POU1F1: variants seen among roughly 807,000 people sequenced by gnomAD.
POU1F1 encodes pituitary-specific positive transcription factor 1.
POU1F1 carries 23 observed loss-of-function variants against 32.3 expected under a neutral mutation model. The observed-to-expected ratio is 0.71, with a 90% confidence interval of 0.51 to 1.01. The LOEUF is 1.01. Among genes scored for constraint, POU1F1 ranks in the 50% least tolerant of loss-of-function variants. The pLI, the probability that POU1F1 is intolerant of heterozygous loss-of-function variation, is 0.00. For missense variants in POU1F1, 323 were observed against 341.6 expected (o/e 0.95, Z 0.43); for synonymous variants, 120 against 115.6 (o/e 1.04, Z -0.25).
At chr3:87,272,704 A>G (rs1341108181) in intron 2 of POU1F1, among the ~76,000 whole-genome samples, 2 of 152,162 alleles carry the variant, frequency 1.3e-5, no homozygotes, top group Non-Finnish European at 2.9e-5. Context: ...AATGATTTCA[A>G]TCTCACTTAA....
intron 2 of POU1F1, among the ~76,000 whole-genome samples, 183 bp from the exon 3 acceptor site, chr3:87,264,695 A>T (rs1026715101): frequency 1.3e-5 from 2 of 152,156 alleles, no homozygotes; most frequent in African/African-American, 4.8e-5. Context: ...AATTGAGATT[A>T]TTTGTCTTCT....
At chr3:87,272,530 C>T (rs1172089657) in intron 2 of POU1F1, among the ~76,000 whole-genome samples, 1 of 152,110 alleles carries the variant, frequency 6.6e-6, no homozygotes, top group Admixed American at 6.6e-5. Context: ...TGTGGCCATG[C>T]CATGAAATTA....
chr3:87,272,292 ATTTCT>A (rs763726164), intron 2 of POU1F1, among the ~76,000 whole-genome samples: 19 of 152,076 alleles, frequency 1.2e-4, no homozygotes, highest in South Asian at 2.1e-4. Context: ...ATATCAAAGA[ATTTCT>A]TTTCTTTTCT....
rs150925566 is a variant in POU1F1, at chr3:87,273,385, T to C, written c.176A>G (p.His59Arg). The C allele has an allele frequency of 3.1e-6, 5 of 1,613,022 alleles. No individual in the cohort carries two copies. The African/African-American group carries it at 4.0e-5, about 13-fold the overall frequency. Residue 59 changes from histidine to arginine, a missense_variant, in exon 2 of 6, where the codon CAT (histidine) becomes CGT (arginine). Transcript: ENST00000350375. Reference sequence around the variant, plus strand: ...ATAGGTTGATGGCTGGTTTCCATAATGACAGGAAGGAACAGAATAATGAAG... The same window carrying C: ...ATAGGTTGATGGCTGGTTTCCATAACGACAGGAAGGAACAGAATAATGAAG... ...TGLHYSVPSC[H>R]YGNQPSTYGV... is the part of the protein sequence containing the mutation.
At chr3:87,268,205 A>G (rs971581483) in intron 2 of POU1F1, among the ~76,000 whole-genome samples, 1 of 146,958 alleles carries the variant, frequency 6.8e-6, no homozygotes, top group Admixed American at 7.0e-5. Flanking sequence ...CAGCCTCCCT[A>G]GTAGCTGGGA....
At chr3:87,272,923 T>C (rs1415566171) in intron 2 of POU1F1, among the ~76,000 whole-genome samples, 12 of 152,172 alleles carry the variant, frequency 7.9e-5, no homozygotes, top group Admixed American at 7.9e-4. Context: ...ATAGAGCACT[T>C]GAAATGTAGC....
At chr3:87,264,181 G>T in intron 3 of POU1F1, 107 bp downstream of exon 3, 1 of 901,750 alleles carries the variant, frequency 1.1e-6, no homozygotes, top group Non-Finnish European at 1.8e-6. Flanking sequence ...CAGTAGAGAT[G>T]AAGAATGAGA....
At chr3:87,260,329 C>CA (rs1288548873) in intron 5 of POU1F1, among the ~76,000 whole-genome samples, 1 of 152,118 alleles carries the variant, frequency 6.6e-6, no homozygotes, top group Admixed American at 6.6e-5. Context: ...TCACGGAAAG[C>CA]ATTAAGTAGG....
At chr3:87,267,672 A>G (rs1706645622) in intron 2 of POU1F1, among the ~76,000 whole-genome samples, 1 of 126,384 alleles carries the variant, frequency 7.9e-6, no homozygotes. Flanking sequence ...CAGTGGTAAA[A>G]TCTTAGCTCA....
intron 3 of POU1F1, among the ~76,000 whole-genome samples, chr3:87,263,597 T>C (rs1180396696): frequency 6.6e-6 from 1 of 152,126 alleles, no homozygotes; most frequent in African/African-American, 2.4e-5. Flanking sequence ...ATACTTTTGA[T>C]CAAGCAATTG....
At chr3:87,276,267 T>G in intron 1 of POU1F1, 54 bp downstream of exon 1, 1 of 1,569,018 alleles carries the variant, frequency 6.4e-7, no homozygotes, top group Non-Finnish European at 8.8e-7. Flanking sequence ...TTCAAAGCAT[T>G]CATTCTGAAA....
chr3:87,267,036 T>C (rs980662067), intron 2 of POU1F1, among the ~76,000 whole-genome samples: 2 of 152,160 alleles, frequency 1.3e-5, no homozygotes, highest in Admixed American at 6.6e-5. Flanking sequence ...TAAGACACTT[T>C]AGATAACTCA....
intron 1 of POU1F1, among the ~76,000 whole-genome samples, chr3:87,273,728 C>T (rs1706770376): frequency 6.6e-6 from 1 of 152,092 alleles, no homozygotes; most frequent in South Asian, 2.1e-4. Context: ...ACGAGTGCCC[C>T]GTGAAGGGGT....
At chr3:87,275,910 T>A (rs1293882347) in intron 1 of POU1F1, among the ~76,000 whole-genome samples, 1 of 152,144 alleles carries the variant, frequency 6.6e-6, no homozygotes. Flanking sequence ...TTTTAGATAG[T>A]AAATGTAATT....
intron 3 of POU1F1, among the ~76,000 whole-genome samples, chr3:87,262,468 G>T (rs111623743): frequency 2.0e-5 from 3 of 152,032 alleles, no homozygotes; most frequent in African/African-American, 7.2e-5. Flanking sequence ...GTCACTGAAA[G>T]AATTCAGATA....
chr3:87,266,862 C>T (rs1706630491), intron 2 of POU1F1, among the ~76,000 whole-genome samples: 1 of 151,848 alleles, frequency 6.6e-6, no homozygotes, highest in South Asian at 2.1e-4. Context: ...TTGTTTTGTG[C>T]TTATGCTTTC....
rs1211117663 is a variant in POU1F1 at position 87,260,028 on chromosome 3, C to T, written c.742G>A (p.Ala248Thr). ...KPSSQEIMRMAEELNLEKEVV... is the reference protein window; with the variant it reads ...KPSSQEIMRMTEELNLEKEVV... ...TCTTTCTCCAGATTCAGTTCTTCAGCCATCCTCATGATCTCTTGAGAAGAA... is the reference window on the plus strand; with the variant it reads ...TCTTTCTCCAGATTCAGTTCTTCAGTCATCCTCATGATCTCTTGAGAAGAA... Residue 248 changes from alanine to threonine, a missense_variant, in exon 6 of 6, where the codon GCT (alanine) becomes ACT (threonine). Transcript: ENST00000350375. 6.2e-7 allele frequency: 1 copy of T among 1,613,940 alleles called. No homozygotes were observed. The highest frequency in any genetic ancestry group is 1.3e-5 in the African/African-American group (1 of 74,884).
In POU1F1 at chr3:87,262,129, A is replaced by G. The variant is rs1172139949; in HGVS notation, c.546T>C (p.Asn182=). 6.2e-7 allele frequency: 1 copy of G among 1,614,080 alleles called. No homozygotes were observed. The stretch of plus-strand genomic sequence containing the variant: ...ATAATATTGCTTTCAGTTTGCATGC[A>G]TTTTTAAAGCTGAGCTGCAGATTTT... The part of the protein sequence containing the change: ...RFENLQLSFK[N]ACKLKAILSK... The change falls in exon 4 of 6, where the codon AAT becomes AAC. Residue 182 remains asparagine (N), a synonymous_variant. Coordinates refer to ENST00000350375, the MANE Select transcript of POU1F1 (RefSeq NM_000306.4).
intron 3 of POU1F1, 139 bp downstream of exon 3, chr3:87,264,149 C>G (rs1208976521): frequency 5.7e-6 from 4 of 696,466 alleles, no homozygotes; most frequent in African/African-American, 5.4e-5. Flanking sequence ...TGGAGGATTT[C>G]CATAACGACT....
Sources: allele counts gnomAD v4.1 joint callset (sites outside exome capture counted in the v4.1 genomes callset), GRCh38; gene constraint gnomAD v4.1.1; transcripts MANE v1.5; gene names NCBI Gene and HGNC (gene_info 2026-07-23, HGNC 2026-07-21).